Variants in CLASP2 observed in about 807,000 individuals in gnomAD.
CLASP2 encodes CLIP-associating protein 2.
A neutral mutation model predicts 194.4 loss-of-function variants in CLASP2; 47 were observed. That is an observed-to-expected ratio of 0.24 (90% CI 0.19 to 0.31). The LOEUF (loss-of-function observed/expected upper bound fraction) is 0.31, where lower values mean the gene tolerates loss of function less well. CLASP2 is among the 10% of genes least tolerant of loss of function. CLASP2 has a pLI of 1.00. For synonymous variants in CLASP2, 619 were observed against 633.5 expected, an observed-to-expected ratio of 0.98 and a Z score of 0.34; for missense variants, 1,445 against 1,823.6, an observed-to-expected ratio of 0.79 and a Z score of 3.78.
chr3:33,698,167 C>T (rs748176916), intron 1 of CLASP2, among the ~76,000 whole-genome samples: 26 of 152,056 alleles, frequency 1.7e-4, no homozygotes, highest in Non-Finnish European at 2.9e-4. Flanking sequence ...ACCCTTGTCC[C>T]GTAAGAAACA....
intron 33 of CLASP2, among the ~76,000 whole-genome samples, chr3:33,537,659 ATG>A (rs1393827791): frequency 1.3e-5 from 2 of 152,222 alleles, no homozygotes; most frequent in Admixed American, 6.5e-5. Flanking sequence ...AAGTGTAATG[ATG>A]TGTTTTTAAA....
chr3:33,578,529 C>T (rs1484799244), intron 23 of CLASP2, among the ~76,000 whole-genome samples: 1 of 152,088 alleles, frequency 6.6e-6, no homozygotes, highest in African/African-American at 2.4e-5. Flanking sequence ...TGCTACAGGA[C>T]AGCCTTAATA....
chr3:33,651,164 T>C (rs978734393), intron 7 of CLASP2, among the ~76,000 whole-genome samples: 1 of 152,038 alleles, frequency 6.6e-6, no homozygotes, highest in African/African-American at 2.4e-5. Context: ...AGGTGGATCA[T>C]TTGAGGCCAG....
rs971842295 is a variant in CLASP2 at position 33,686,026 on chromosome 3, G to GA, written c.546+1033dup. Among the ~76,000 whole-genome samples the GA allele has an allele frequency of 2.8e-3, 426 of 150,516 alleles. 1 individual carries two copies. The highest frequency in any genetic ancestry group is 9.9e-3 in the African/African-American group (406 of 40,998). Reference sequence around the variant, plus strand: ...TATATTGTATTTGCTATAATAAAAGGAAAAAAAAAGAATGTGGTCTGAATA... The same window carrying GA: ...TATATTGTATTTGCTATAATAAAAGGAAAAAAAAAAGAATGTGGTCTGAATA... On this transcript the variant is annotated intron_variant, in intron 5 of 38. Transcript: ENST00000682230.
At chr3:33,602,026 T>A (rs1327826344) in intron 18 of CLASP2, among the ~76,000 whole-genome samples, 2 of 151,830 alleles carry the variant, frequency 1.3e-5, no homozygotes, top group Non-Finnish European at 2.9e-5. Context: ...TTTTTTTTTT[T>A]TTTTTTTGAC....
chr3:33,585,733 G>A (rs2067210359), intron 21 of CLASP2, among the ~76,000 whole-genome samples: 1 of 151,780 alleles, frequency 6.6e-6, no homozygotes, highest in South Asian at 2.1e-4. Context: ...CTCCTTCCCA[G>A]TATTATAATT....
intron 30 of CLASP2, among the ~76,000 whole-genome samples, chr3:33,546,495 A>G (rs988290867): frequency 6.6e-6 from 1 of 152,224 alleles, no homozygotes; most frequent in Non-Finnish European, 1.5e-5. Context: ...CTATCAAAGT[A>G]ATACATACAT....
intron 21 of CLASP2, among the ~76,000 whole-genome samples, chr3:33,587,096 T>C (rs1290568265): frequency 6.6e-6 from 1 of 152,092 alleles, no homozygotes; most frequent in East Asian, 1.9e-4. Flanking sequence ...CTAGACATGG[T>C]CCATGGGCTG....
At chr3:33,680,531 A>G (rs2089637332) in intron 6 of CLASP2, among the ~76,000 whole-genome samples, 1 of 152,244 alleles carries the variant, frequency 6.6e-6, no homozygotes, top group Admixed American at 6.5e-5. Context: ...AAGTCTAGCC[A>G]GGCATGGTGG....
At chr3:33,643,193 C>T (rs374381584) in intron 8 of CLASP2, among the ~76,000 whole-genome samples, 46 of 151,280 alleles carry the variant, frequency 3.0e-4, no homozygotes, top group Non-Finnish European at 5.8e-4. Flanking sequence ...TACCAAACCA[C>T]GAAAAAAAAT....
At chr3:33,589,293 C>T (rs2068126915) in intron 21 of CLASP2, among the ~76,000 whole-genome samples, 1 of 152,040 alleles carries the variant, frequency 6.6e-6, no homozygotes, top group Non-Finnish European at 1.5e-5. Flanking sequence ...AGATCTAGTG[C>T]TCTCTCCATT....
chr3:33,657,198 A>G (rs1214650464), intron 7 of CLASP2, among the ~76,000 whole-genome samples: 1 of 152,174 alleles, frequency 6.6e-6, no homozygotes, highest in African/African-American at 2.4e-5. Context: ...TTATATGTTT[A>G]CATGATTCTG....
At chr3:33,548,652 C>T (rs1290727162) in intron 30 of CLASP2, among the ~76,000 whole-genome samples, 1 of 151,560 alleles carries the variant, frequency 6.6e-6, no homozygotes, top group African/African-American at 2.4e-5. Context: ...TTTTGTAATG[C>T]TTGTTTTTAC....
chr3:33,520,584 A>G (rs754493348), intron 34 of CLASP2, among the ~76,000 whole-genome samples: 6 of 152,174 alleles, frequency 3.9e-5, no homozygotes, highest in Non-Finnish European at 5.9e-5. Context: ...GGCAAAGCCT[A>G]GCAGGATGAG....
At chr3:33,668,668 C>A (rs144847576) in intron 6 of CLASP2, among the ~76,000 whole-genome samples, 1 of 152,232 alleles carries the variant, frequency 6.6e-6, no homozygotes, top group South Asian at 2.1e-4. Flanking sequence ...AGGCCATAGG[C>A]GTCAAGAATA....
chr3:33,688,397 AC>A, intron 3 of CLASP2, 29 bp from the exon 4 acceptor site: 9 of 1,439,424 alleles, frequency 6.3e-6, no homozygotes, highest in Non-Finnish European at 8.5e-6. Context: ...AAAACGTATA[AC>A]AAAAAACTAA....
At chr3:33,506,580 T>C (rs909689020) in intron 37 of CLASP2, among the ~76,000 whole-genome samples, 2 of 152,034 alleles carry the variant, frequency 1.3e-5, no homozygotes, top group African/African-American at 2.4e-5. Context: ...AGCTCAATGG[T>C]TGCTTAAGTA....
At chr3:33,629,055 G>A (rs550115992) in intron 9 of CLASP2, among the ~76,000 whole-genome samples, 1 of 152,044 alleles carries the variant, frequency 6.6e-6, no homozygotes, top group Non-Finnish European at 1.5e-5. Context: ...CCTCAACGAT[G>A]ATCAGTGATT....
chr3:33,574,407 G>T, intron 24 of CLASP2: 1 of 940,790 alleles, frequency 1.1e-6, no homozygotes, highest in Non-Finnish European at 1.5e-6. Flanking sequence ...ACCATCATTT[G>T]TTAAATTGAT....
Sources: gnomAD v4.1 joint callset for allele counts (sites outside exome capture counted in the v4.1 genomes callset) on GRCh38, gnomAD v4.1.1 for gene constraint, MANE v1.5 for transcripts, NCBI Gene and HGNC (gene_info 2026-07-23, HGNC 2026-07-21) for gene names.